Variants in SLC11A2 observed in about 807,000 individuals in gnomAD.
SLC11A2 encodes the protein natural resistance-associated macrophage protein 2.
SLC11A2 carries 38 observed loss-of-function variants against 68.0 expected under a neutral mutation model. The ratio of observed to expected loss-of-function variants is 0.56; its 90% CI spans 0.43 to 0.73. The LOEUF (loss-of-function observed/expected upper bound fraction) is 0.73, where lower values mean the gene tolerates loss of function less well. Among genes scored for constraint, SLC11A2 ranks in the 30% least tolerant of loss-of-function variants. The probability of loss-of-function intolerance (pLI) is 0.00; values close to 1 mark genes in which losing one functional copy is unlikely to be tolerated. For missense variants in SLC11A2, 517 were observed against 690.5 expected (o/e 0.75, Z 2.82); for synonymous variants, 242 against 250.6 (o/e 0.97, Z 0.32).
In SLC11A2 at chr12:51,026,376, C is replaced by G. The variant is rs770437585; in HGVS notation, c.-105G>C. 1 of 1,280,482 alleles carries G rather than the reference C, an allele frequency of 7.8e-7. No individual in the cohort carries two copies. Among genetic ancestry groups the G allele is most frequent in the South Asian group, 1.2e-5 (1 of 80,612 alleles). The allele number at this position is 1,280,482 out of a possible 1,614,324, so 79.3% of individuals were successfully genotyped here. ...CAGGGCTCCATATTCCGGGAGCCAG[C>G]GCCACGCTGGCTAACGCCCTCCCCT... On this transcript the variant is annotated 5_prime_UTR_variant, in exon 1 of 16. Coordinates refer to ENST00000262052, the MANE Select transcript of SLC11A2 (RefSeq NM_000617.3).
At chr12:50,965,486 C>T in the SLC11A2 span, among the ~76,000 whole-genome samples, 24 of 152,056 alleles carry the variant, frequency 1.6e-4, no homozygotes, top group Non-Finnish European at 1.9e-4. Context: ...CTTTGCAGGT[C>T]AGGGGACCAG....
At position 51,008,566 on chromosome 12, in the gene SLC11A2, A is replaced by G. The variant is rs1390810342; in HGVS notation, c.93T>C (p.Tyr31=). Residue 31 remains tyrosine (Y), a synonymous_variant, in exon 3 of 16, where the codon TAT becomes TAC. Transcript: ENST00000262052. ...SASLGNINPA[Y]SNPSLSQSPG... is the part of the protein sequence containing the mutation. ...GGGACTGTGAAAGAGAGGGATTACTATAGGCAGGGTTGATGTTACCAAGAC... is the reference window on the plus strand; with the variant it reads ...GGGACTGTGAAAGAGAGGGATTACTGTAGGCAGGGTTGATGTTACCAAGAC... 1.2e-6 allele frequency: 2 copies of G among 1,612,124 alleles called. No individual in the cohort carries two copies. The highest frequency in any genetic ancestry group is 8.5e-7 in the Non-Finnish European group (1 of 1,178,360).
At chr12:51,003,040 A>G (rs1459136465) in intron 5 of SLC11A2, among the ~76,000 whole-genome samples, 2 of 152,060 alleles carry the variant, frequency 1.3e-5, no homozygotes. Context: ...GTTCGAGACC[A>G]GCCTGGCCAA....
rs749882321 is a variant in SLC11A2 at position 50,996,925 on chromosome 12, G to A, written c.723C>T (p.Phe241=). ...TGCGACAGCCTGAACAGGATGGTAC[G>A]AACATGCCCTTGAGTACCTGGCTCT... ...PSQSQVLKGM[F]VPSCSGCRTP... The change falls in exon 9 of 16, where the codon TTC becomes TTT. Residue 241 remains phenylalanine (F), a synonymous_variant. Coordinates refer to ENST00000262052, the MANE Select transcript of SLC11A2 (RefSeq NM_000617.3). 8.7e-6 allele frequency: 14 copies of A among 1,613,830 alleles called. No homozygotes were observed. Among genetic ancestry groups the A allele is most frequent in the African/African-American group, 6.7e-5 (5 of 74,890 alleles).
chr12:51,005,515 A>C, intron 3 of SLC11A2, 79 bp from the exon 4 acceptor site: 1 of 1,597,530 alleles, frequency 6.3e-7, no homozygotes. Flanking sequence ...TCACATATGA[A>C]GCAACAAAAT....
rs1043876545 is a variant in SLC11A2, at chr12:51,016,012, T to C, written c.-38-5246A>G. ...GTTGGCCAGGATGGTCTCGATCTCC[T>C]GACCTTGTGATCTGCCCACCTCAGC... On this transcript the variant is annotated intron_variant, in intron 1 of 15. Coordinates refer to ENST00000262052, the MANE Select transcript of SLC11A2 (RefSeq NM_000617.3). Among the ~76,000 whole-genome samples the C allele has an allele frequency of 8.6e-5, 13 of 151,750 alleles. 1 individual carries two copies. In the East Asian group the frequency reaches 2.5e-3, roughly 30 times the overall value.
the SLC11A2 span, among the ~76,000 whole-genome samples, chr12:50,965,188 G>A: frequency 7.2e-5 from 11 of 151,872 alleles, no homozygotes; most frequent in African/African-American, 2.4e-4. Context: ...ATCATGGCTC[G>A]CTACAGCCCC....
rs190231041 is a variant in SLC11A2 at position 51,006,963 on chromosome 12, G to A, written c.183+1513C>T. Among the ~76,000 whole-genome samples the A allele has an allele frequency of 5.3e-5, 8 of 152,092 alleles. No individual in the cohort carries two copies. The East Asian group carries it at 1.6e-3, about 30-fold the overall frequency. On this transcript the variant is annotated intron_variant, in intron 3 of 15. Coordinates refer to ENST00000262052, the MANE Select transcript of SLC11A2 (RefSeq NM_000617.3). ...CTTGTCACATTGCCCAAGCTGGTTGGTCTCGAACTCCTGGGCTCAAGCGAT... is the reference window on the plus strand; with the variant it reads ...CTTGTCACATTGCCCAAGCTGGTTGATCTCGAACTCCTGGGCTCAAGCGAT...
At chr12:51,007,246 G>A (rs1170715269) in intron 3 of SLC11A2, among the ~76,000 whole-genome samples, 4 of 152,074 alleles carry the variant, frequency 2.6e-5, no homozygotes, top group East Asian at 3.9e-4. Flanking sequence ...ACATGTTCTC[G>A]GGACTTCCTG....
At position 51,014,164 on chromosome 12, in the gene SLC11A2, G is replaced by T. The variant is rs975570837; in HGVS notation, c.-38-3398C>A. 10 of 152,404 alleles carry T rather than the reference G, an allele frequency of 6.6e-5. 1 individual carries two copies. The highest frequency in any genetic ancestry group is 3.3e-4 in the Admixed American group (5 of 15,296). 9.4% of individuals were successfully genotyped at this position (152,404 alleles called of 1,614,324 possible). On this transcript the variant is annotated intron_variant, in intron 1 of 15. Coordinates refer to ENST00000262052, the MANE Select transcript of SLC11A2 (RefSeq NM_000617.3). Reference sequence around the variant, plus strand: ...TATGGAACACTTCACAAATTTGCGTGTCATCCTTGTGCAGAGAGGCCATGC... The same window carrying T: ...TATGGAACACTTCACAAATTTGCGTTTCATCCTTGTGCAGAGAGGCCATGC...
At chr12:50,957,682 C>A in the SLC11A2 span, among the ~76,000 whole-genome samples, 51 of 151,686 alleles carry the variant, frequency 3.4e-4, no homozygotes, top group African/African-American at 1.2e-3. Context: ...GTAAGGAGTT[C>A]GAGACCAGCC....
the SLC11A2 span, among the ~76,000 whole-genome samples, chr12:50,955,920 G>A: frequency 6.6e-6 from 1 of 152,112 alleles, no homozygotes; most frequent in African/African-American, 2.4e-5. Flanking sequence ...TGATTAAAGT[G>A]GAAAGATAAA....
At chr12:50,982,668 G>A (rs1430420449), downstream of SLC11A2, among the ~76,000 whole-genome samples, 1 of 152,018 alleles carries the variant, frequency 6.6e-6, no homozygotes, top group Non-Finnish European at 1.5e-5. Flanking sequence ...TTCCGACTGG[G>A]CACGGTGTCT....
chr12:51,012,063 ACC>A (rs1238006508), intron 1 of SLC11A2, among the ~76,000 whole-genome samples: 50 of 152,032 alleles, frequency 3.3e-4, no homozygotes, highest in African/African-American at 1.2e-3. Flanking sequence ...TCATTCCTCA[ACC>A]CTCTGACAAC....
chr12:51,000,220 T>C, intron 6 of SLC11A2, 93 bp downstream of exon 6: 1 of 879,008 alleles, frequency 1.1e-6, no homozygotes, highest in South Asian at 1.4e-5. Context: ...TTGAGTTGAG[T>C]CTTCAAAATT....
At chr12:50,971,504 C>T in the SLC11A2 span, among the ~76,000 whole-genome samples, 2 of 152,080 alleles carry the variant, frequency 1.3e-5, no homozygotes, top group Non-Finnish European at 2.9e-5. Flanking sequence ...GGATTTAGTC[C>T]AGAAGTGCTA....
At chr12:51,003,089 A>C (rs952552157) in intron 5 of SLC11A2, among the ~76,000 whole-genome samples, 2 of 148,990 alleles carry the variant, frequency 1.3e-5, no homozygotes, top group African/African-American at 5.0e-5. Context: ...TACAAAAATT[A>C]GCCAGGCATG....
At chr12:50,962,479 C>T in the SLC11A2 span, among the ~76,000 whole-genome samples, 12 of 151,992 alleles carry the variant, frequency 7.9e-5, no homozygotes, top group African/African-American at 2.9e-4. Context: ...GCAGGAGGAT[C>T]ACTTAGGGTC....
At chr12:50,970,848 T>C in the SLC11A2 span, among the ~76,000 whole-genome samples, 1 of 151,870 alleles carries the variant, frequency 6.6e-6, no homozygotes, top group South Asian at 2.1e-4. Flanking sequence ...AATTATATAA[T>C]GGTTACAGAA....
Sources: allele counts gnomAD v4.1 joint callset (sites outside exome capture counted in the v4.1 genomes callset), GRCh38; gene constraint gnomAD v4.1.1; transcripts MANE v1.5; gene names NCBI Gene and HGNC (gene_info 2026-07-23, HGNC 2026-07-21).